BTRC: variants seen among roughly 807,000 people sequenced by gnomAD.
BTRC encodes the protein beta-transducin repeat containing E3 ubiquitin protein ligase, also known as F-box/WD repeat-containing protein 1A.
A neutral mutation model predicts 85.5 loss-of-function variants in BTRC; 42 were observed. The observed-to-expected ratio is 0.49, with a 90% CI of 0.38 to 0.64. BTRC has a LOEUF of 0.64. Ranked by LOEUF, BTRC falls within the 30% of genes least tolerant of loss-of-function variation. The pLI is 0.00. For missense variants in BTRC, 594 were observed against 743.5 expected, an observed-to-expected ratio of 0.80 and a Z score of 2.34; for synonymous variants, 255 against 263.3, an observed-to-expected ratio of 0.97 and a Z score of 0.30.
At chr10:101,367,377 C>G (rs937143159) in intron 1 of BTRC, among the ~76,000 whole-genome samples, 2 of 151,652 alleles carry the variant, frequency 1.3e-5, no homozygotes, top group East Asian at 3.9e-4. Context: ...TGGCCTAGGT[C>G]TATATTTAAG....
intron 1 of BTRC, among the ~76,000 whole-genome samples, chr10:101,399,540 G>GT (rs1943446279): frequency 6.6e-6 from 1 of 152,152 alleles, no homozygotes; most frequent in Admixed American, 6.5e-5. Flanking sequence ...CCTATATTCC[G>GT]TGTGCCTAGC....
At chr10:101,413,833 A>G (rs1280663224) in intron 1 of BTRC, among the ~76,000 whole-genome samples, 1 of 151,980 alleles carries the variant, frequency 6.6e-6, no homozygotes, top group Non-Finnish European at 1.5e-5. Context: ...TATATACAGG[A>G]TTTTCATGTT....
chr10:101,459,934 A>G (rs1273958256), intron 2 of BTRC, among the ~76,000 whole-genome samples: 1 of 152,200 alleles, frequency 6.6e-6, no homozygotes, highest in Non-Finnish European at 1.5e-5. Flanking sequence ...GTACCTGTAT[A>G]ATAAAAATGT....
chr10:101,444,252 T>G (rs1944765784), intron 2 of BTRC, among the ~76,000 whole-genome samples: 1 of 152,176 alleles, frequency 6.6e-6, no homozygotes, highest in African/African-American at 2.4e-5. Context: ...TAAAAAGAGA[T>G]GATAATATTT....
rs1164978009 is a variant in BTRC at position 101,430,360 on chromosome 10, T to G, written c.64T>G (p.Ser22Ala). ...ALKFMCSMPR[S>A]LWLGCSSLAD... is the part of the protein sequence containing the mutation. ...CTCTCTGCAGTGCTCTATGCCCAGGTCTCTGTGGCTGGGCTGCTCCAGCCT... is the reference window on the plus strand; with the variant it reads ...CTCTCTGCAGTGCTCTATGCCCAGGGCTCTGTGGCTGGGCTGCTCCAGCCT... The change falls in exon 2 of 15, where the codon TCT becomes GCT. Residue 22 changes from serine (S) to alanine (A), a missense_variant. This residue lies in a region of BTRC where 163 missense variants were observed against 180.5 expected (regional missense o/e 0.90). Coordinates refer to ENST00000370187, the MANE Select transcript of BTRC (RefSeq NM_033637.4). 4 of 1,613,852 alleles carry G rather than the reference T, an allele frequency of 2.5e-6. No individual in the cohort carries two copies. The highest frequency in any genetic ancestry group is 3.4e-6 in the Non-Finnish European group (4 of 1,179,776).
At chr10:101,437,413 G>GT (rs1173529132) in intron 2 of BTRC, among the ~76,000 whole-genome samples, 2 of 152,054 alleles carry the variant, frequency 1.3e-5, no homozygotes, top group African/African-American at 4.8e-5. Context: ...ATGTGTGCCT[G>GT]TGCGTGCACA....
At chr10:101,442,610 G>T (rs971000300) in intron 2 of BTRC, among the ~76,000 whole-genome samples, 8 of 152,004 alleles carry the variant, frequency 5.3e-5, no homozygotes, top group Non-Finnish European at 8.8e-5. Flanking sequence ...ATATTCAACT[G>T]AATTAAAAAT....
chr10:101,427,021 C>T (rs944949357), intron 1 of BTRC, among the ~76,000 whole-genome samples: 6 of 151,592 alleles, frequency 4.0e-5, no homozygotes, highest in Middle Eastern at 3.4e-3. Context: ...TTCAATCTTT[C>T]CTTCCGAATG....
chr10:101,399,157 G>T (rs1186858752), intron 1 of BTRC, among the ~76,000 whole-genome samples: 1 of 152,024 alleles, frequency 6.6e-6, no homozygotes, highest in Non-Finnish European at 1.5e-5. Context: ...GTTTCACCAT[G>T]TTGGCCAAGC....
chr10:101,424,307 C>T (rs1311452842), intron 1 of BTRC, among the ~76,000 whole-genome samples: 1 of 152,098 alleles, frequency 6.6e-6, no homozygotes, highest in East Asian at 1.9e-4. Context: ...ATATGATTAT[C>T]CTATCTGACA....
Position 101,462,005 on chromosome 10 carries a change from A to G in BTRC, c.181A>G (p.Asn61Asp). ...FQNSSEREDCNNGEPPRKIIP... is the reference protein window; with the variant it reads ...FQNSSEREDCDNGEPPRKIIP... Reference sequence around the variant, plus strand: ...GAATTCCTCAGAGAGAGAAGACTGTAATAATGGCGAACCCCCTAGGAAGAT... The same window carrying G: ...GAATTCCTCAGAGAGAGAAGACTGTGATAATGGCGAACCCCCTAGGAAGAT... Residue 61 changes from asparagine (N) to aspartate (D), a missense_variant, in exon 3 of 15, where the codon AAT becomes GAT. This residue lies in a region of BTRC where 163 missense variants were observed against 180.5 expected (regional missense o/e 0.90). Coordinates refer to ENST00000370187, the MANE Select transcript of BTRC (RefSeq NM_033637.4). The G allele has an allele frequency of 6.2e-7, 1 of 1,612,058 alleles. No homozygotes were observed. The highest frequency in any genetic ancestry group is 1.1e-5 in the South Asian group (1 of 90,990).
chr10:101,407,748 C>T (rs1943666575), intron 1 of BTRC, among the ~76,000 whole-genome samples: 1 of 139,154 alleles, frequency 7.2e-6, no homozygotes, highest in Non-Finnish European at 1.5e-5. Context: ...TTTTGTGAGA[C>T]AGTCTCGTTC....
rs1471017781 is a variant in BTRC, at chr10:101,389,115, G to GTTTTTTTTTTTT, written c.48+34888_48+34889insTTTTTTTTTTTT. On this transcript the variant is annotated intron_variant, in intron 1 of 14. Coordinates refer to ENST00000370187, the MANE Select transcript of BTRC (RefSeq NM_033637.4). ...ATGTTGCATAATTGTGATTTTTTGT[G>GTTTTTTTTTTTT]TGTGTTTTTTTTTTTTTTTTTTTTT... is the stretch of plus-strand genomic sequence containing the variant. Among the ~76,000 whole-genome samples, 45 of 35,458 alleles carry GTTTTTTTTTTTT rather than the reference G, an allele frequency of 1.3e-3. 2 individuals carry two copies. The highest frequency in any genetic ancestry group is 1.7e-3 in the Non-Finnish European group (35 of 20,248). The allele number at this position is 35,458 out of a possible 152,430, so 23.3% of individuals were successfully genotyped here. A position where few individuals can be genotyped will look rare whatever the true frequency, so the allele number is the denominator to read the frequency against.
At chr10:101,463,372 G>T (rs1049217828) in intron 3 of BTRC, among the ~76,000 whole-genome samples, 1 of 151,900 alleles carries the variant, frequency 6.6e-6, no homozygotes. Flanking sequence ...TAGAGACAGG[G>T]TTTCACCATG....
chr10:101,546,145 T>C (rs1441806028), intron 13 of BTRC, among the ~76,000 whole-genome samples: 1 of 152,232 alleles, frequency 6.6e-6, no homozygotes, highest in East Asian at 1.9e-4. Context: ...AACTATAGAA[T>C]GCTTCATCCA....
intron 3 of BTRC, among the ~76,000 whole-genome samples, chr10:101,472,829 G>A (rs1044894219): frequency 4.6e-5 from 7 of 152,000 alleles, no homozygotes; most frequent in East Asian, 3.9e-4. Flanking sequence ...TATTTATATC[G>A]TTACTCCTAG....
chr10:101,405,226 A>T (rs982267851), intron 1 of BTRC, among the ~76,000 whole-genome samples: 4 of 151,576 alleles, frequency 2.6e-5, no homozygotes, highest in African/African-American at 9.7e-5. Flanking sequence ...GTTACTGCAT[A>T]TGGGGCTACG....
intron 1 of BTRC, among the ~76,000 whole-genome samples, chr10:101,417,562 C>G (rs1175375565): frequency 6.6e-6 from 1 of 151,918 alleles, no homozygotes; most frequent in African/African-American, 2.4e-5. Flanking sequence ...GGTTTTTTTC[C>G]CACTATAGAA....
At chr10:101,547,338 T>TC (rs2062574412) in intron 13 of BTRC, among the ~76,000 whole-genome samples, 2 of 138,838 alleles carry the variant, frequency 1.4e-5, no homozygotes, top group South Asian at 2.5e-4. Flanking sequence ...CTTTTTTTTT[T>TC]TTTTTTTTTT....
Sources: allele counts gnomAD v4.1 joint callset (sites outside exome capture counted in the v4.1 genomes callset), GRCh38; gene constraint gnomAD v4.1.1; regional missense constraint gnomAD v4.1.1; transcripts MANE v1.5; gene names NCBI Gene and HGNC (gene_info 2026-07-23, HGNC 2026-07-21).